The following FUT9 variants were observed in gnomAD, a reference collection of about 807,000 sequenced individuals.
The protein encoded by FUT9 is fucosyltransferase 9, also known as 4-galactosyl-N-acetylglucosaminide 3-alpha-L-fucosyltransferase 9.
Under a neutral mutation model 29.7 loss-of-function variants are expected in FUT9, and 15 were observed. The observed-to-expected ratio is 0.51, with a 90% CI of 0.34 to 0.78. The LOEUF (loss-of-function observed/expected upper bound fraction) is 0.78, where lower values mean the gene tolerates loss of function less well. Among genes scored for constraint, FUT9 ranks in the 30% least tolerant of loss-of-function variants. The pLI is 0.01. For missense variants in FUT9, 319 were observed against 425.4 expected (o/e 0.75, Z 2.20); for synonymous variants, 169 against 153.7 (o/e 1.10, Z -0.74).
intron 2 of FUT9, among the ~76,000 whole-genome samples, chr6:96,193,361 A>G (rs1773554997): frequency 7.5e-6 from 1 of 134,048 alleles, no homozygotes. Flanking sequence ...TACAAGAAAA[A>G]AACAAACAAC....
intron 1 of FUT9, among the ~76,000 whole-genome samples, chr6:96,016,767 T>C (rs1769987428): frequency 6.6e-6 from 1 of 152,168 alleles, no homozygotes; most frequent in African/African-American, 2.4e-5. Context: ...CTGTCCAGAT[T>C]TTCTGACAGT....
intron 1 of FUT9, among the ~76,000 whole-genome samples, chr6:96,043,559 T>C (rs968550018): frequency 2.0e-5 from 3 of 152,350 alleles, no homozygotes; most frequent in Non-Finnish European, 2.9e-5. Flanking sequence ...CTGAGAACTG[T>C]TGATTTATAC....
At chr6:96,057,870 A>G (rs1206748237) in intron 1 of FUT9, among the ~76,000 whole-genome samples, 3 of 152,150 alleles carry the variant, frequency 2.0e-5, no homozygotes, top group Non-Finnish European at 4.4e-5. Flanking sequence ...TATACTAGAC[A>G]ATTTTCTCAA....
intron 1 of FUT9, among the ~76,000 whole-genome samples, chr6:96,080,559 A>T (rs1771217600): frequency 6.6e-6 from 1 of 152,044 alleles, no homozygotes; most frequent in African/African-American, 2.4e-5. Context: ...GAAAATTATG[A>T]TAAAAATAAG....
chr6:96,167,611 G>C (rs142736631), intron 2 of FUT9, among the ~76,000 whole-genome samples: 6 of 152,152 alleles, frequency 3.9e-5, no homozygotes, highest in African/African-American at 1.4e-4. Context: ...TCCTCTTGTA[G>C]TTTCTATTTT....
chr6:96,035,862 AT>A (rs1377421500), intron 1 of FUT9, among the ~76,000 whole-genome samples: 1 of 119,568 alleles, frequency 8.4e-6, no homozygotes, highest in Non-Finnish European at 1.7e-5. Context: ...TGTTTATTAT[AT>A]TAATATAATA....
chr6:96,165,029 A>C (rs751289301), intron 2 of FUT9, among the ~76,000 whole-genome samples: 9 of 152,324 alleles, frequency 5.9e-5, no homozygotes, highest in Non-Finnish European at 1.3e-4. Context: ...GGCAACTAGA[A>C]TCACAAGACA....
intron 1 of FUT9, among the ~76,000 whole-genome samples, chr6:96,109,341 T>A (rs72929981): frequency 0.044 from 6,637 of 152,284 alleles, 180 homozygotes; most frequent in South Asian, 0.12. Context: ...GATTGTATAG[T>A]GTTTTTCTTA....
At chr6:96,094,773 C>A (rs1367953100) in intron 1 of FUT9, among the ~76,000 whole-genome samples, 1 of 152,098 alleles carries the variant, frequency 6.6e-6, no homozygotes, top group Non-Finnish European at 1.5e-5. Context: ...GAGGGAACTA[C>A]AAAGTTTTTT....
At chr6:96,100,230 AACACACACACACACACACACAC>A (rs36064811) in intron 1 of FUT9, among the ~76,000 whole-genome samples, 2,081 of 148,882 alleles carry the variant, frequency 0.014, 39 homozygotes, top group African/African-American at 0.045. Context: ...CACACACACC[AACACACACACACACACACACAC>A]ACACACACAC....
At chr6:96,056,556 A>G (rs1770772538) in intron 1 of FUT9, among the ~76,000 whole-genome samples, 1 of 152,274 alleles carries the variant, frequency 6.6e-6, no homozygotes, top group Non-Finnish European at 1.5e-5. Context: ...AGAAAACACA[A>G]TCTCAATATA....
At chr6:96,029,288 G>T (rs549986811) in intron 1 of FUT9, among the ~76,000 whole-genome samples, 1 of 151,634 alleles carries the variant, frequency 6.6e-6, no homozygotes, top group South Asian at 2.1e-4. Flanking sequence ...AATCCCTGAC[G>T]CAAGGGTAGT....
At chr6:96,159,659 T>C (rs1202464058) in intron 2 of FUT9, among the ~76,000 whole-genome samples, 4 of 152,146 alleles carry the variant, frequency 2.6e-5, no homozygotes, top group African/African-American at 9.7e-5. Context: ...CTTTCAACTG[T>C]TTCTGCTGGA....
In FUT9 at chr6:96,203,652, T is replaced by C; in HGVS notation, c.497T>C (p.Val166Ala). The change falls in exon 3 of 3, where the codon GTG becomes GCG. Residue 166 changes from valine (V) to alanine (A), a missense_variant. Coordinates refer to ENST00000302103, the MANE Select transcript of FUT9 (RefSeq NM_006581.4). Reference protein sequence around the residue: ...LTYRRDSDIQVPYGFLTVSTN... With the variant: ...LTYRRDSDIQAPYGFLTVSTN... Reference sequence around the variant, plus strand: ...TACCGCCGTGATTCAGATATCCAAGTGCCTTATGGCTTCTTGACGGTAAGC... The same window carrying C: ...TACCGCCGTGATTCAGATATCCAAGCGCCTTATGGCTTCTTGACGGTAAGC... 4 of 1,614,084 alleles carry C rather than the reference T, an allele frequency of 2.5e-6. No homozygotes were observed. Among genetic ancestry groups the C allele is most frequent in the Non-Finnish European group, 3.4e-6 (4 of 1,179,994 alleles).
At chr6:96,120,117 C>T (rs1771993871) in intron 2 of FUT9, among the ~76,000 whole-genome samples, 1 of 151,896 alleles carries the variant, frequency 6.6e-6, no homozygotes, top group African/African-American at 2.4e-5. Context: ...ATTTAATGTT[C>T]AGAATTCTCA....
Position 96,211,316 on chromosome 6 carries a change from G to C in FUT9, c.*7081G>C, listed in dbSNP as rs924671656. ...CCTGTTATGAGCAATCAGTAAATTT[G>C]TAGTCAATTTAACTTATTATCAGTT... On this transcript the variant is annotated 3_prime_UTR_variant, in exon 3 of 3. Transcript: ENST00000302103. The C allele has an allele frequency of 1.8e-5, 3 of 166,742 alleles. No individual in the cohort carries two copies. The highest frequency in any genetic ancestry group is 7.2e-5 in the African/African-American group (3 of 41,382). 10.3% of individuals were successfully genotyped at this position (166,742 alleles called of 1,614,324 possible). A position where few individuals can be genotyped will look rare whatever the true frequency, so the allele number is the denominator to read the frequency against.
At chr6:96,080,325 T>C (rs1169272973) in intron 1 of FUT9, among the ~76,000 whole-genome samples, 1 of 151,926 alleles carries the variant, frequency 6.6e-6, no homozygotes, top group African/African-American at 2.4e-5. Context: ...TTGTCTAGAA[T>C]CTAGGACTTA....
At chr6:96,025,424 G>T (rs908360486) in intron 1 of FUT9, among the ~76,000 whole-genome samples, 1 of 151,714 alleles carries the variant, frequency 6.6e-6, no homozygotes, top group Non-Finnish European at 1.5e-5. Context: ...CATATAATTT[G>T]CAAACATCTT....
At chr6:96,167,858 A>G (rs904089523) in intron 2 of FUT9, among the ~76,000 whole-genome samples, 6 of 152,148 alleles carry the variant, frequency 3.9e-5, no homozygotes, top group African/African-American at 1.2e-4. Context: ...TCAAGATGCT[A>G]CATGGAAGCC....
Sources: gnomAD v4.1 joint callset for allele counts (sites outside exome capture counted in the v4.1 genomes callset) on GRCh38, gnomAD v4.1.1 for gene constraint, MANE v1.5 for transcripts, NCBI Gene and HGNC (gene_info 2026-07-23, HGNC 2026-07-21) for gene names.